Variants in HLCS observed in about 807,000 individuals in gnomAD.
HLCS encodes the protein biotin--protein ligase.
HLCS carries 53 observed loss-of-function variants against 75.0 expected under a neutral mutation model. The ratio of observed to expected loss-of-function variants is 0.71; its 90% CI spans 0.57 to 0.89. HLCS has a LOEUF of 0.89. HLCS is among the 40% of genes least tolerant of loss of function. The pLI, the probability that HLCS is intolerant of heterozygous loss-of-function variation, is 0.00. For missense variants in HLCS, 966 were observed against 1,074.0 expected (o/e 0.90, Z 1.41); for synonymous variants, 431 against 428.6 (o/e 1.01, Z -0.07).
At chr21:36,944,406 G>A (rs1330635079) in intron 2 of HLCS, among the ~76,000 whole-genome samples, 2 of 152,186 alleles carry the variant, frequency 1.3e-5, no homozygotes, top group African/African-American at 4.8e-5. Context: ...GCATTGGGGT[G>A]ATGGTAATGT....
At chr21:36,983,566 A>G (rs1389848951) in intron 1 of HLCS, among the ~76,000 whole-genome samples, 4 of 151,502 alleles carry the variant, frequency 2.6e-5, no homozygotes, top group Admixed American at 6.6e-5. Flanking sequence ...GGCCGGGCGC[A>G]GTGGCTCACG....
intron 2 of HLCS, among the ~76,000 whole-genome samples, chr21:36,939,807 C>A (rs2067060925): frequency 2.0e-5 from 3 of 152,314 alleles, no homozygotes; most frequent in South Asian, 4.1e-4. Flanking sequence ...GAGTCAAAGG[C>A]AACTAATCAT....
chr21:36,949,859 C>T (rs2067588989), intron 2 of HLCS, among the ~76,000 whole-genome samples: 1 of 152,168 alleles, frequency 6.6e-6, no homozygotes, highest in Non-Finnish European at 1.5e-5. Flanking sequence ...CTGTTAGAAG[C>T]CACTGGGATT....
intron 6 of HLCS, among the ~76,000 whole-genome samples, chr21:36,869,723 C>T (rs961849963): frequency 7.2e-5 from 11 of 152,132 alleles, no homozygotes; most frequent in Admixed American, 3.9e-4. Context: ...CTTCTAGATA[C>T]CATATCCTTA....
At chr21:36,829,726 A>C (rs539451212) in intron 6 of HLCS, among the ~76,000 whole-genome samples, 2 of 152,300 alleles carry the variant, frequency 1.3e-5, no homozygotes, top group South Asian at 4.1e-4. Context: ...ATACTAAAAA[A>C]CCTGAGAGAT....
intron 6 of HLCS, among the ~76,000 whole-genome samples, chr21:36,802,506 A>G (rs1375904582): frequency 2.0e-5 from 3 of 152,216 alleles, no homozygotes; most frequent in Non-Finnish European, 4.4e-5. Context: ...TTCATTCAGA[A>G]AATTTAGTCA....
chr21:36,852,124 C>T (rs1246216045), intron 6 of HLCS: 2 of 152,244 alleles, frequency 1.3e-5, no homozygotes, highest in Non-Finnish European at 2.9e-5. Context: ...ACTGTTCCTG[C>T]TGCAGAGATG....
At chr21:36,975,819 T>C (rs1162721992) in intron 1 of HLCS, among the ~76,000 whole-genome samples, 1 of 152,096 alleles carries the variant, frequency 6.6e-6, no homozygotes, top group Non-Finnish European at 1.5e-5. Context: ...TAACCGGGTC[T>C]CCCTCATTGG....
chr21:36,957,100 T>C (rs61027540), intron 2 of HLCS, among the ~76,000 whole-genome samples: 29,970 of 149,796 alleles, frequency 0.2, 3,197 homozygotes, highest in East Asian at 0.34. Context: ...TGATAGAATC[T>C]GGAAGTTTGT....
At chr21:36,797,407 AAATT>A (rs1448805624) in intron 6 of HLCS, among the ~76,000 whole-genome samples, 2 of 151,700 alleles carry the variant, frequency 1.3e-5, no homozygotes, top group African/African-American at 4.8e-5. Context: ...ATTAACATTA[AAATT>A]AATATAATAA....
intron 6 of HLCS, among the ~76,000 whole-genome samples, chr21:36,869,187 C>T (rs979684537): frequency 6.6e-6 from 1 of 152,082 alleles, no homozygotes; most frequent in East Asian, 1.9e-4. Context: ...TGCAGTGGTG[C>T]GATCTCGGCT....
chr21:36,862,968 G>A (rs1320753118), intron 6 of HLCS, among the ~76,000 whole-genome samples: 7 of 143,680 alleles, frequency 4.9e-5, no homozygotes, highest in East Asian at 2.0e-4. Flanking sequence ...TTTTTAAAGC[G>A]ACGGGGTCTC....
chr21:36,962,652 G>A (rs183632865), intron 1 of HLCS, among the ~76,000 whole-genome samples: 1 of 152,086 alleles, frequency 6.6e-6, no homozygotes, highest in East Asian at 1.9e-4. Flanking sequence ...AATGAGTTGG[G>A]CATGGGGGTG....
At chr21:36,781,611 T>C (rs1432337858) in intron 6 of HLCS, among the ~76,000 whole-genome samples, 1 of 152,220 alleles carries the variant, frequency 6.6e-6, no homozygotes, top group African/African-American at 2.4e-5. Flanking sequence ...TCTCTTATTG[T>C]TTGAGTTAGA....
intron 6 of HLCS, among the ~76,000 whole-genome samples, chr21:36,868,724 G>A (rs1186455400): frequency 2.6e-5 from 4 of 152,154 alleles, no homozygotes; most frequent in Non-Finnish European, 5.9e-5. Context: ...AAAAACAATT[G>A]GCTGGCACGA....
intron 1 of HLCS, among the ~76,000 whole-genome samples, chr21:36,975,600 C>T (rs534910452): frequency 8.5e-5 from 13 of 152,246 alleles, no homozygotes; most frequent in African/African-American, 3.1e-4. Flanking sequence ...TAGTGAGACC[C>T]CATCTCTACA....
At position 36,756,720 on chromosome 21, in the gene HLCS, T is replaced by C. The variant is rs1477360619; in HGVS notation, c.2272A>G (p.Ile758Val). 2.5e-6 allele frequency: 4 copies of C among 1,614,070 alleles called. No homozygotes were observed. Among genetic ancestry groups the C allele is most frequent in the Non-Finnish European group, 2.5e-6 (3 of 1,180,036 alleles). ...TCTGTGATGAGGTCGTTGATGCAGATGGTAGGGTTACTGTTAGTCACATTA... is the reference window on the plus strand; with the variant it reads ...TCTGTGATGAGGTCGTTGATGCAGACGGTAGGGTTACTGTTAGTCACATTA... ...GFNVTNSNPT[I>V]CINDLITEYN... Residue 758 changes from isoleucine (I) to valine (V), a missense_variant, in exon 10 of 11, where the codon ATC (isoleucine) becomes GTC (valine). Coordinates refer to ENST00000674895, the MANE Select transcript of HLCS (RefSeq NM_001352514.2).
At chr21:36,847,615 T>C (rs1048355353) in intron 6 of HLCS, among the ~76,000 whole-genome samples, 2 of 152,208 alleles carry the variant, frequency 1.3e-5, no homozygotes, top group African/African-American at 2.4e-5. Flanking sequence ...CAAAATAACA[T>C]TTGGGTCAAA....
At chr21:36,940,069 A>G (rs2067073792) in intron 2 of HLCS, among the ~76,000 whole-genome samples, 1 of 152,104 alleles carries the variant, frequency 6.6e-6, no homozygotes, top group South Asian at 2.1e-4. Context: ...ATAAATAAAT[A>G]TAATTTAAAG....
Sources: gnomAD v4.1 joint callset for allele counts (sites outside exome capture counted in the v4.1 genomes callset) on GRCh38, gnomAD v4.1.1 for gene constraint, MANE v1.5 for transcripts, NCBI Gene and HGNC (gene_info 2026-07-23, HGNC 2026-07-21) for gene names.